Variants in SETDB2 observed in about 807,000 individuals in gnomAD.
SETDB2 encodes the protein histone-lysine N-methyltransferase SETDB2.
Under a neutral mutation model 82.5 loss-of-function variants are expected in SETDB2, and 56 were observed. The ratio of observed to expected loss-of-function variants is 0.68; its 90% CI spans 0.55 to 0.85. The LOEUF (loss-of-function observed/expected upper bound fraction) is 0.85, where lower values mean the gene tolerates loss of function less well. Among genes scored for constraint, SETDB2 ranks in the 40% least tolerant of loss-of-function variants. The pLI is 0.00. For synonymous variants in SETDB2, 272 were observed against 284.9 expected (o/e 0.95, Z 0.46); for missense variants, 677 against 816.4 (o/e 0.83, Z 2.08).
intron 11 of SETDB2, among the ~76,000 whole-genome samples, chr13:49,486,660 T>C (rs548461896): frequency 2.6e-5 from 4 of 152,352 alleles, no homozygotes; most frequent in African/African-American, 9.6e-5. Flanking sequence ...GCCTAGCCAA[T>C]ACTGCCGCAG....
At position 49,477,063 on chromosome 13, in the gene SETDB2, C is replaced by T. The variant is rs746625083; in HGVS notation, c.869+24C>T. 2.6e-6 allele frequency: 4 copies of T among 1,533,268 alleles called. No individual in the cohort carries two copies. The African/African-American group carries it at 5.6e-5, about 21-fold the overall frequency. 95.0% of individuals were successfully genotyped at this position (1,533,268 alleles called of 1,614,324 possible). On this transcript the variant is annotated intron_variant, in intron 6 of 13. Coordinates refer to ENST00000611815, the MANE Select transcript of SETDB2 (RefSeq NM_001160308.3). Reference sequence around the variant, plus strand: ...ATGTGAGTAGAAAAACATGGCGTTTCAAAAAAATCTTCTGAATGTAAGGAC... The same window carrying T: ...ATGTGAGTAGAAAAACATGGCGTTTTAAAAAAATCTTCTGAATGTAAGGAC...
In SETDB2 at chr13:49,493,759, T is replaced by C. The variant is rs1350297297; in HGVS notation, c.*1910T>C. On this transcript the variant is annotated 3_prime_UTR_variant, in exon 14 of 14. Coordinates refer to ENST00000611815, the MANE Select transcript of SETDB2 (RefSeq NM_001160308.3). ...CCAGTTTTGAAGACATCTGCTAGCT[T>C]TCAGTGCTGTTGCTGTGGAGTCTGA... is the stretch of plus-strand genomic sequence containing the variant. The C allele has an allele frequency of 1.3e-5, 2 of 152,266 alleles. No homozygotes were observed. Among genetic ancestry groups the C allele is most frequent in the Admixed American group, 6.5e-5 (1 of 15,290 alleles). The allele number at this position is 152,266 out of a possible 1,614,324, so 9.4% of individuals were successfully genotyped here. A position where few individuals can be genotyped will look rare whatever the true frequency, so the allele number is the denominator to read the frequency against.
At chr13:49,485,942 A>G (rs1958589465) in intron 11 of SETDB2, 1 of 636,118 alleles carries the variant, frequency 1.6e-6, no homozygotes, top group Non-Finnish European at 2.8e-6. Flanking sequence ...AATGATATTT[A>G]TGTTTTTAAA....
chr13:49,477,127 C>G lies in SETDB2; in HGVS notation c.869+88C>G, dbSNP rs138403899. 4,231 of 1,232,072 alleles carry G rather than the reference C, an allele frequency of 3.4e-3. 17 individuals carry two copies. Among genetic ancestry groups the G allele is most frequent in the Non-Finnish European group, 4.3e-3 (3,899 of 908,012 alleles). 76.3% of individuals were successfully genotyped at this position (1,232,072 alleles called of 1,614,324 possible). A position where few individuals can be genotyped will look rare whatever the true frequency, so the allele number is the denominator to read the frequency against. Reference sequence around the variant, plus strand: ...TCTTGCTATGTATTAATTTGTCTATCTAAAACCTGTTCAAGAGTTACAGTA... The same window carrying G: ...TCTTGCTATGTATTAATTTGTCTATGTAAAACCTGTTCAAGAGTTACAGTA... On this transcript the variant is annotated intron_variant, in intron 6 of 13. Transcript: ENST00000611815.
chr13:49,461,279 A>G, intron 4 of SETDB2, 117 bp downstream of exon 4: 2 of 681,728 alleles, frequency 2.9e-6, no homozygotes, highest in Non-Finnish European at 2.4e-6. Flanking sequence ...TCTAACATCC[A>G]CATTTCTAAG....
chr13:49,447,068 G>A (rs1289508094), intron 1 of SETDB2, among the ~76,000 whole-genome samples: 1 of 152,096 alleles, frequency 6.6e-6, no homozygotes, highest in Non-Finnish European at 1.5e-5. Flanking sequence ...AGTGATGGCT[G>A]CAAATTATAT....
Position 49,480,302 on chromosome 13 carries a change from A to T in SETDB2, c.953A>T (p.Lys318Ile), listed in dbSNP as rs1215973495. 6.2e-7 allele frequency: 1 copy of T among 1,609,506 alleles called. No individual in the cohort carries two copies. Among genetic ancestry groups the T allele is most frequent in the Non-Finnish European group, 8.5e-7 (1 of 1,178,490 alleles). Residue 318 changes from lysine to isoleucine, a missense_variant, in exon 7 of 14, where the codon AAA becomes ATA. This residue lies in a region of SETDB2 where 420 missense variants were observed against 554.6 expected (regional missense o/e 0.76). Coordinates refer to ENST00000611815, the MANE Select transcript of SETDB2 (RefSeq NM_001160308.3). Reference sequence around the variant, plus strand: ...AGTGACAAAATAACCACTGGATATAAATATAAAAGACTACAGAGACAGATT... The same window carrying T: ...AGTGACAAAATAACCACTGGATATATATATAAAAGACTACAGAGACAGATT... The part of the protein sequence containing the change: ...LSSDKITTGY[K>I]YKRLQRQIPT...
rs745938016 is a variant in SETDB2 at position 49,485,853 on chromosome 13, T to C, written c.1576+130T>C. 4.4e-6 allele frequency: 4 copies of C among 909,888 alleles called. No homozygotes were observed. The East Asian group carries it at 9.6e-5, about 22-fold the overall frequency. The allele number at this position is 909,888 out of a possible 1,614,324, so 56.4% of individuals were successfully genotyped here. A position where few individuals can be genotyped will look rare whatever the true frequency, so the allele number is the denominator to read the frequency against. ...CATTTGTCAGAAAGGTTACAACTTGTCTACATAAGAGATCAGCAAAATATC... is the reference window on the plus strand; with the variant it reads ...CATTTGTCAGAAAGGTTACAACTTGCCTACATAAGAGATCAGCAAAATATC... On this transcript the variant is annotated intron_variant, in intron 11 of 13. Transcript: ENST00000611815.
chr13:49,458,133 A>G (rs1373936101), intron 2 of SETDB2, among the ~76,000 whole-genome samples: 1 of 152,214 alleles, frequency 6.6e-6, no homozygotes, highest in Non-Finnish European at 1.5e-5. Flanking sequence ...AAAATTCCAC[A>G]GTGAAAGATG....
chr13:49,458,932 G>A (rs1957942129), intron 2 of SETDB2, among the ~76,000 whole-genome samples: 1 of 152,190 alleles, frequency 6.6e-6, no homozygotes, highest in Non-Finnish European at 1.5e-5. Flanking sequence ...TATAAAAGGT[G>A]CTTAGCATGG....
rs754727078 is a variant in SETDB2 at position 49,482,954 on chromosome 13, G to C, written c.1374G>C (p.Glu458Asp). The change falls in exon 9 of 14, where the codon GAG (glutamate) becomes GAC (aspartate). Residue 458 changes from glutamate (E) to aspartate (D), a missense_variant. Coordinates refer to ENST00000611815, the MANE Select transcript of SETDB2 (RefSeq NM_001160308.3). ...CAAAGTTCAGTAATAATCCCAAGGA[G>C]CTTACTGTGTAAGTAACAGCTGAGG... ...CPPKFSNNPK[E>D]LTVETKYDNI... 6.2e-7 allele frequency: 1 copy of C among 1,602,272 alleles called. No individual in the cohort carries two copies. The highest frequency in any genetic ancestry group is 1.3e-5 in the African/African-American group (1 of 74,574).
At chr13:49,485,490 T>C in intron 10 of SETDB2, 140 bp from the exon 11 acceptor site, 1 of 648,620 alleles carries the variant, frequency 1.5e-6, no homozygotes, top group Middle Eastern at 4.1e-4. Context: ...TAAAGACTCC[T>C]TATGATATCA....
Position 49,451,868 on chromosome 13 carries a change from T to G in SETDB2, c.-26T>G, listed in dbSNP as rs1446813940. Reference sequence around the variant, plus strand: ...TTTGATAAACCTAATTTTGAAGCATTTTATATTTATAAGCGACATCAAAAG... The same window carrying G: ...TTTGATAAACCTAATTTTGAAGCATGTTATATTTATAAGCGACATCAAAAG... On this transcript the variant is annotated 5_prime_UTR_variant, in exon 2 of 14. In the 5' UTR this introduces an upstream ATG that the reference lacks. Transcript: ENST00000611815. 6.3e-7 allele frequency: 1 copy of G among 1,583,734 alleles called. No individual in the cohort carries two copies. The highest frequency in any genetic ancestry group is 8.6e-7 in the Non-Finnish European group (1 of 1,158,504).
chr13:49,484,029 G>A (rs564808690), intron 10 of SETDB2, among the ~76,000 whole-genome samples: 2 of 152,248 alleles, frequency 1.3e-5, no homozygotes, highest in East Asian at 3.9e-4. Flanking sequence ...TTGGAATGGT[G>A]GACGGTGGAA....
chr13:49,476,200 C>T (rs1324391084), intron 5 of SETDB2, among the ~76,000 whole-genome samples: 2 of 152,156 alleles, frequency 1.3e-5, no homozygotes, highest in African/African-American at 2.4e-5. Context: ...GCAGGAGGAT[C>T]ACTTGGGGAC....
At chr13:49,484,621 A>G (rs1958556111) in intron 10 of SETDB2, among the ~76,000 whole-genome samples, 1 of 152,230 alleles carries the variant, frequency 6.6e-6, no homozygotes, top group Non-Finnish European at 1.5e-5. Context: ...TGAAAGAATC[A>G]TCCAGAAAAC....
chr13:49,485,740 CTG>C lies in SETDB2; in HGVS notation c.1576+20_1576+21del. 6.3e-7 allele frequency: 1 copy of C among 1,578,472 alleles called. No individual in the cohort carries two copies. The highest frequency in any genetic ancestry group is 8.7e-7 in the Non-Finnish European group (1 of 1,147,472). On this transcript the variant is annotated intron_variant, in intron 11 of 13. Transcript: ENST00000611815. ...GAGCACAAAGTAGGCTTTGTTTCTT[CTG>C]TGAATGCCTACCTCTTCTGCCTGTT...
intron 3 of SETDB2, among the ~76,000 whole-genome samples, 169 bp from the exon 4 acceptor site, chr13:49,460,928 A>G (rs960552469): frequency 3.3e-5 from 5 of 152,204 alleles, no homozygotes; most frequent in Admixed American, 6.5e-5. Context: ...CCTGGAATAA[A>G]TAGCTTAACC....
rs747590747 is a variant in SETDB2, at chr13:49,482,812, A to C, written c.1232A>C (p.Lys411Thr). The change falls in exon 9 of 14, where the codon AAA (lysine) becomes ACA (threonine). Residue 411 changes from lysine (K) to threonine (T), a missense_variant. Transcript: ENST00000611815. ...AACGGGAGAGATGAGAATACTATGA[A>C]AAATATATTTTCAAAAAAGAGGAAA... ...DENGRDENTM[K>T]NIFSKKRKLE... The C allele has an allele frequency of 6.2e-7, 1 of 1,612,710 alleles. No individual in the cohort carries two copies. The highest frequency in any genetic ancestry group is 8.5e-7 in the Non-Finnish European group (1 of 1,178,994).
Sources: gnomAD v4.1 joint callset for allele counts (sites outside exome capture counted in the v4.1 genomes callset) on GRCh38, gnomAD v4.1.1 for gene constraint, gnomAD v4.1.1 regional missense constraint, MANE v1.5 for transcripts, NCBI Gene and HGNC (gene_info 2026-07-23, HGNC 2026-07-21) for gene names.